RARB: variants seen among roughly 807,000 people sequenced by gnomAD.
The protein encoded by RARB is retinoic acid receptor beta.
In RARB, 17 loss-of-function variants were observed where a neutral mutation model predicts 51.9. That is an observed-to-expected ratio of 0.33 (90% CI 0.22 to 0.49). The LOEUF (loss-of-function observed/expected upper bound fraction) is 0.49. Ranked by LOEUF, RARB falls within the 20% of genes least tolerant of loss-of-function variation. The pLI, the probability that RARB is intolerant of heterozygous loss-of-function variation, is 0.99. For missense variants in RARB, 369 were observed against 550.8 expected (o/e 0.67, Z 3.30); for synonymous variants, 215 against 195.4 (o/e 1.10, Z -0.84).
intron 4 of RARB, among the ~76,000 whole-genome samples, chr3:25,151,372 A>G (rs1700284012): frequency 1.3e-5 from 2 of 152,194 alleles, no homozygotes; most frequent in African/African-American, 4.8e-5. Flanking sequence ...TCTTTTCTTT[A>G]ATCGTTCACA....
intron 5 of RARB, among the ~76,000 whole-genome samples, chr3:25,586,258 C>T (rs997713816): frequency 6.6e-6 from 1 of 152,098 alleles, no homozygotes; most frequent in Non-Finnish European, 1.5e-5. Flanking sequence ...CCTTCTCCGA[C>T]CAGCCACCCG....
chr3:25,184,380 G>A (rs1185892149), intron 5 of RARB, among the ~76,000 whole-genome samples: 1 of 152,056 alleles, frequency 6.6e-6, no homozygotes, highest in African/African-American at 2.4e-5. Flanking sequence ...GTTGTTTCAT[G>A]GTGAATCACA....
intron 2 of RARB, among the ~76,000 whole-genome samples, chr3:24,878,077 T>C (rs979713168): frequency 2.6e-5 from 4 of 152,022 alleles, no homozygotes; most frequent in Non-Finnish European, 4.4e-5. Context: ...ACAAAGTGAG[T>C]GTTTTGAGGC....
chr3:25,181,730 A>G (rs1277641125), intron 5 of RARB, among the ~76,000 whole-genome samples: 2 of 152,192 alleles, frequency 1.3e-5, no homozygotes, highest in Admixed American at 1.3e-4. Context: ...TGCTTTTATT[A>G]TACCCTAAAT....
At chr3:24,840,463 G>A (rs1702406005) in intron 1 of RARB, among the ~76,000 whole-genome samples, 1 of 152,160 alleles carries the variant, frequency 6.6e-6, no homozygotes. Flanking sequence ...GTTGCTGTGG[G>A]TTCGTAGTGA....
intron 1 of RARB, among the ~76,000 whole-genome samples, chr3:24,855,743 C>CA (rs1702622790): frequency 9.2e-6 from 1 of 108,790 alleles, no homozygotes; most frequent in African/African-American, 4.5e-5. Context: ...TGGAAATCTG[C>CA]ATTTTTTTTT....
chr3:25,108,191 C>T (rs1699541597), intron 3 of RARB, among the ~76,000 whole-genome samples: 1 of 152,088 alleles, frequency 6.6e-6, no homozygotes, highest in Non-Finnish European at 1.5e-5. Context: ...TTATAGATTG[C>T]TTATTTCTGG....
intron 4 of RARB, among the ~76,000 whole-genome samples, chr3:25,161,156 G>A (rs1263678273): frequency 1.3e-5 from 2 of 150,368 alleles, no homozygotes; most frequent in East Asian, 3.9e-4. Flanking sequence ...GGGATTACAG[G>A]CACCCACCAC....
intron 3 of RARB, among the ~76,000 whole-genome samples, chr3:25,115,863 T>C (rs1699678730): frequency 6.6e-6 from 1 of 152,112 alleles, no homozygotes; most frequent in African/African-American, 2.4e-5. Context: ...ACTTCTGGCC[T>C]CAAAGAATCC....
chr3:25,347,486 G>A (rs1705429892), intron 5 of RARB, among the ~76,000 whole-genome samples: 1 of 152,216 alleles, frequency 6.6e-6, no homozygotes, highest in African/African-American at 2.4e-5. Context: ...AAAGAAAATT[G>A]CCTTTAGGCA....
At chr3:25,523,858 A>G (rs1463277464) in intron 3 of RARB, among the ~76,000 whole-genome samples, 1 of 152,222 alleles carries the variant, frequency 6.6e-6, no homozygotes, top group East Asian at 1.9e-4. Flanking sequence ...AGGACCTATT[A>G]GTAACATTGC....
At chr3:24,988,658 T>A (rs1696846363) in intron 2 of RARB, among the ~76,000 whole-genome samples, 1 of 152,102 alleles carries the variant, frequency 6.6e-6, no homozygotes, top group Non-Finnish European at 1.5e-5. Flanking sequence ...CTACCTTCCT[T>A]TACAACTTTA....
At chr3:25,255,931 G>C (rs1702854321) in intron 5 of RARB, among the ~76,000 whole-genome samples, 1 of 151,892 alleles carries the variant, frequency 6.6e-6, no homozygotes, top group Non-Finnish European at 1.5e-5. Flanking sequence ...TTTCCCACAG[G>C]TTTACTGATT....
At chr3:25,484,099 T>G (rs923921593) in intron 2 of RARB, among the ~76,000 whole-genome samples, 1 of 152,244 alleles carries the variant, frequency 6.6e-6, no homozygotes, top group African/African-American at 2.4e-5. Context: ...TCTTTAGAGT[T>G]AAATACATTA....
Position 25,578,532 on chromosome 3 carries a change from T to A in RARB, c.610-2014T>A, listed in dbSNP as rs557555937. On this transcript the variant is annotated intron_variant, in intron 4 of 7. Transcript: ENST00000330688. ...AATGATTTCCCTCCATAAGCTTGAC[T>A]CTCCGTCCCTCTCTTCCGTGTCATC... is the stretch of plus-strand genomic sequence containing the variant. 6.6e-4 allele frequency among the ~76,000 whole-genome samples: 100 copies of A among 152,328 alleles called. 1 individual carries two copies. Among genetic ancestry groups the A allele is most frequent in the African/African-American group, 2.4e-3 (98 of 41,572 alleles).
chr3:25,192,808 G>T (rs913018973), intron 5 of RARB, among the ~76,000 whole-genome samples: 3 of 151,904 alleles, frequency 2.0e-5, no homozygotes, highest in African/African-American at 4.8e-5. Context: ...TTTAGACATG[G>T]TCTTACTCAT....
chr3:25,576,685 C>T (rs183766278), intron 4 of RARB, among the ~76,000 whole-genome samples: 207 of 152,324 alleles, frequency 1.4e-3, no homozygotes, highest in Non-Finnish European at 2.1e-3. Flanking sequence ...TCTAGAGACC[C>T]TCCCTACCTG....
rs73141609 is a variant in RARB at position 25,402,848 on chromosome 3, T to C, written c.179-58345T>C. Among the ~76,000 whole-genome samples, 854 of 151,952 alleles carry C rather than the reference T, an allele frequency of 5.6e-3. 8 individuals are homozygous for C. The highest frequency in any genetic ancestry group is 0.019 in the African/African-American group (807 of 41,460). On this transcript the variant is annotated intron_variant, in intron 5 of 11. Coordinates refer to the RARB transcript ENST00000383772. The stretch of plus-strand genomic sequence containing the variant: ...TGGGGTGGGGCATGAGGATGGTTAA[T>C]GGGTACAAAAAATGTAGCTAGAAAG...
intron 2 of RARB, among the ~76,000 whole-genome samples, chr3:24,955,140 A>C (rs1209242054): frequency 1.3e-5 from 2 of 152,174 alleles, no homozygotes; most frequent in East Asian, 3.9e-4. Context: ...TAAGTGGAGG[A>C]TTTTATGAAG....
Sources: gnomAD v4.1 joint callset for allele counts (sites outside exome capture counted in the v4.1 genomes callset) on GRCh38, gnomAD v4.1.1 for gene constraint, MANE v1.5 for transcripts, NCBI Gene and HGNC (gene_info 2026-07-23, HGNC 2026-07-21) for gene names.